Variants in PAX5 observed in about 807,000 individuals in gnomAD.
PAX5 encodes the protein paired box 5, also known as paired box protein Pax-5.
PAX5 carries 9 observed loss-of-function variants against 43.7 expected under a neutral mutation model. The ratio of observed to expected loss-of-function variants is 0.21; its 90% CI spans 0.12 to 0.36. PAX5 has a LOEUF of 0.36. Ranked by LOEUF, PAX5 falls within the 10% of genes least tolerant of loss-of-function variation. The probability of loss-of-function intolerance (pLI) is 1.00; values close to 1 mark genes in which losing one functional copy is unlikely to be tolerated. For synonymous variants in PAX5, 228 were observed against 214.3 expected (o/e 1.06, Z -0.56); for missense variants, 383 against 532.7 (o/e 0.72, Z 2.77).
rs10663927 is a variant in PAX5 at position 36,984,435 on chromosome 9, C to CTTTTTTTTTTTTTT, written c.605-17725_605-17712dup. 9.0e-5 allele frequency among the ~76,000 whole-genome samples: 6 copies of CTTTTTTTTTTTTTT among 66,882 alleles called. 1 individual carries two copies. Among genetic ancestry groups the CTTTTTTTTTTTTTT allele is most frequent in the African/African-American group, 2.6e-4 (4 of 15,110 alleles). The allele number at this position is 66,882 out of a possible 152,430, so 43.9% of individuals were successfully genotyped here. On this transcript the variant is annotated intron_variant, in intron 5 of 9. Coordinates refer to ENST00000358127, the MANE Select transcript of PAX5 (RefSeq NM_016734.3). ...GCCCTGGATTGGTTATTGAACCTCTCTTTTTTTTTTTTTTTTTTTTTTGAG... is the reference window on the plus strand; with the variant it reads ...GCCCTGGATTGGTTATTGAACCTCTCTTTTTTTTTTTTTTTTTTTTTTTTTTTTTTTTTTTTGAG...
At chr9:36,957,911 C>A (rs1029170130) in intron 6 of PAX5, among the ~76,000 whole-genome samples, 2 of 152,126 alleles carry the variant, frequency 1.3e-5, no homozygotes, top group East Asian at 3.9e-4. Flanking sequence ...ACTGGAGGCA[C>A]CTTCCAATAG....
At chr9:36,899,381 C>T (rs904428081) in intron 7 of PAX5, among the ~76,000 whole-genome samples, 1 of 152,232 alleles carries the variant, frequency 6.6e-6, no homozygotes, top group Non-Finnish European at 1.5e-5. Context: ...CTGCTCACTT[C>T]TGTTTCCCTG....
chr9:36,846,973 A>G (rs1822654897), intron 8 of PAX5, 44 bp from the exon 9 acceptor site: 1 of 1,442,772 alleles, frequency 6.9e-7, no homozygotes, highest in African/African-American at 1.4e-5. Context: ...CAAACGTCAA[A>G]TCCAGTTCAG....
chr9:36,924,267 G>T (rs1404748955), intron 6 of PAX5, among the ~76,000 whole-genome samples: 1 of 152,184 alleles, frequency 6.6e-6, no homozygotes, highest in Non-Finnish European at 1.5e-5. Flanking sequence ...AGTTTGCAAT[G>T]AGTCATTTCC....
At position 36,982,179 on chromosome 9, in the gene PAX5, G is replaced by A. The variant is rs181919330; in HGVS notation, c.605-15455C>T. ...ACTGGGTGGCTGAGGCAGGAGAATC[G>A]CTTGAACCCAGGAAGCAGAGGTTGC... On this transcript the variant is annotated intron_variant, in intron 5 of 9. Transcript: ENST00000358127. Among the ~76,000 whole-genome samples, 570 of 152,254 alleles carry A rather than the reference G, an allele frequency of 3.7e-3. 3 individuals carry two copies. Among genetic ancestry groups the A allele is most frequent in the African/African-American group, 0.013 (530 of 41,534 alleles).
At chr9:36,901,705 G>A (rs1319289431) in intron 7 of PAX5, among the ~76,000 whole-genome samples, 1 of 152,170 alleles carries the variant, frequency 6.6e-6, no homozygotes, top group Non-Finnish European at 1.5e-5. Context: ...TAATGGTGAT[G>A]CTCTGTTGCT....
At chr9:36,959,342 C>A (rs975116415) in intron 6 of PAX5, among the ~76,000 whole-genome samples, 4 of 152,206 alleles carry the variant, frequency 2.6e-5, no homozygotes, top group African/African-American at 9.6e-5. Flanking sequence ...AAGCTCACTA[C>A]TTAACAAGGA....
At chr9:36,841,429 C>T (rs565572978) in intron 9 of PAX5, among the ~76,000 whole-genome samples, 41 of 152,380 alleles carry the variant, frequency 2.7e-4, no homozygotes, top group African/African-American at 9.4e-4. Context: ...CTTTTCCCAT[C>T]TGTTAAACTT....
chr9:36,960,075 G>A (rs80152153), intron 6 of PAX5, among the ~76,000 whole-genome samples: 1,672 of 152,306 alleles, frequency 0.011, 16 homozygotes, highest in Non-Finnish European at 0.018. Context: ...TATGAGCTCA[G>A]ATAAGAGACA....
chr9:37,014,952 G>A (rs771476558), intron 3 of PAX5, 45 bp downstream of exon 3: 1 of 1,566,328 alleles, frequency 6.4e-7, no homozygotes, highest in Non-Finnish European at 8.8e-7. Context: ...AGGATGCCCT[G>A]CCATCCCTCC....
chr9:36,889,623 G>A (rs147479703), intron 7 of PAX5, among the ~76,000 whole-genome samples: 15 of 152,258 alleles, frequency 9.9e-5, no homozygotes, highest in Non-Finnish European at 1.3e-4. Flanking sequence ...CCCCAGCATT[G>A]GGCACCCATC....
intron 8 of PAX5, among the ~76,000 whole-genome samples, chr9:36,870,244 C>T (rs1825375695): frequency 1.3e-5 from 2 of 152,200 alleles, no homozygotes; most frequent in South Asian, 4.1e-4. Flanking sequence ...TTTCAACAGG[C>T]TCTCTCCCAA....
At chr9:36,889,949 G>GC (rs1291314688) in intron 7 of PAX5, among the ~76,000 whole-genome samples, 3 of 142,408 alleles carry the variant, frequency 2.1e-5, no homozygotes, top group Non-Finnish European at 3.1e-5. Context: ...AACGGGGGGG[G>GC]GGGGAATGTG....
intron 5 of PAX5, among the ~76,000 whole-genome samples, chr9:36,969,186 C>T (rs995864719): frequency 3.3e-5 from 5 of 152,222 alleles, no homozygotes; most frequent in African/African-American, 1.2e-4. Flanking sequence ...TCCTTCCTGT[C>T]AGCCATCTCC....
intron 6 of PAX5, among the ~76,000 whole-genome samples, chr9:36,935,522 G>T (rs543316549): frequency 2.7e-4 from 41 of 152,322 alleles, no homozygotes; most frequent in African/African-American, 9.1e-4. Context: ...CCCCAGACAG[G>T]TTCCCAAGTG....
At chr9:36,900,736 C>T (rs908444551) in intron 7 of PAX5, among the ~76,000 whole-genome samples, 1 of 152,188 alleles carries the variant, frequency 6.6e-6, no homozygotes, top group Non-Finnish European at 1.5e-5. Flanking sequence ...GTCTAAAGCT[C>T]TCAACTGAGT....
In PAX5 at chr9:37,002,741, T is replaced by C. The variant is rs762775984; in HGVS notation, c.511A>G (p.Ser171Gly). The change falls in exon 5 of 10, where the codon AGC (serine) becomes GGC (glycine). Residue 171 changes from serine (S) to glycine (G), a missense_variant. Physicochemically the swap from Ser to Gly is moderately conservative, Grantham distance 56. Transcript: ENST00000358127. ...TACGACGAGCCGGCCGAATCCGTGC[T>C]CACCGAGGACACCTGCGTCACGGAG... ...TGSVTQVSSVSTDSAGSSYSI... is the reference protein window; with the variant it reads ...TGSVTQVSSVGTDSAGSSYSI... 1.2e-5 allele frequency: 19 copies of C among 1,610,430 alleles called. No individual in the cohort carries two copies. The highest frequency in any genetic ancestry group is 1.6e-5 in the Non-Finnish European group (19 of 1,178,936).
chr9:36,884,807 C>T (rs186062607), intron 7 of PAX5, among the ~76,000 whole-genome samples: 4 of 152,188 alleles, frequency 2.6e-5, no homozygotes, highest in African/African-American at 9.7e-5. Context: ...TGGACTGTGT[C>T]GACTCCAGCC....
At chr9:36,966,150 G>A (rs972473643) in intron 6 of PAX5, among the ~76,000 whole-genome samples, 5 of 152,220 alleles carry the variant, frequency 3.3e-5, no homozygotes, top group Non-Finnish European at 4.4e-5. Flanking sequence ...GTTCACGGCC[G>A]GTGAGCCCCC....
Sources: allele counts gnomAD v4.1 joint callset (sites outside exome capture counted in the v4.1 genomes callset), GRCh38; gene constraint gnomAD v4.1.1; transcripts MANE v1.5; gene names NCBI Gene and HGNC (gene_info 2026-07-23, HGNC 2026-07-21).